UST: variants seen among roughly 807,000 people sequenced by gnomAD.
UST encodes the protein uronyl 2-sulfotransferase, also known as chondroitin sulfate 2-O-sulfotransferase.
UST carries 21 observed loss-of-function variants against 45.6 expected under a neutral mutation model. That is an observed-to-expected ratio of 0.46 (90% CI 0.33 to 0.66). UST has a LOEUF of 0.66. Among genes scored for constraint, UST ranks in the 30% least tolerant of loss-of-function variants. UST has a pLI of 0.02. For synonymous variants in UST, 215 were observed against 200.6 expected (o/e 1.07, Z -0.61); for missense variants, 463 against 512.4 (o/e 0.90, Z 0.93).
chr6:148,947,017 C>A (rs979504626), intron 3 of UST, among the ~76,000 whole-genome samples: 1 of 150,206 alleles, frequency 6.7e-6, no homozygotes, highest in African/African-American at 2.5e-5. Context: ...CATTATTGCC[C>A]CATGTTAGAA....
chr6:148,905,333 T>C (rs1172932667), intron 2 of UST, among the ~76,000 whole-genome samples: 1 of 152,214 alleles, frequency 6.6e-6, no homozygotes, highest in Non-Finnish European at 1.5e-5. Context: ...CCCTGAAGCC[T>C]AAAGCCTAGT....
chr6:149,004,274 G>A (rs1781606353), intron 5 of UST, among the ~76,000 whole-genome samples: 1 of 152,216 alleles, frequency 6.6e-6, no homozygotes, highest in East Asian at 1.9e-4. Context: ...GACTGCAGAA[G>A]GGAGAGGAAG....
intron 5 of UST, among the ~76,000 whole-genome samples, chr6:149,010,633 GC>G (rs1341921983): frequency 6.6e-6 from 1 of 151,964 alleles, no homozygotes; most frequent in Non-Finnish European, 1.5e-5. Context: ...AGTGGCTCAT[GC>G]CTGTAGTCTC....
intron 5 of UST, among the ~76,000 whole-genome samples, chr6:148,989,869 G>A (rs946009445): frequency 7.2e-5 from 11 of 152,192 alleles, no homozygotes; most frequent in African/African-American, 2.7e-4. Context: ...GAGTTTTTTG[G>A]ATAATCAAAT....
chr6:148,826,457 A>G lies in UST; in HGVS notation c.248-60529A>G, dbSNP rs570012095. Among the ~76,000 whole-genome samples, 6 of 151,980 alleles carry G rather than the reference A, an allele frequency of 3.9e-5. No homozygotes were observed. In the East Asian group the frequency reaches 9.7e-4, roughly 25 times the overall value. On this transcript the variant is annotated intron_variant, in intron 1 of 7. Transcript: ENST00000367463. ...GTTTTTTTTTTTAAATGAATTAACT[A>G]CATAGGTTATAGAATATTCACTTGA...
At chr6:148,752,964 G>A (rs778159020) in intron 1 of UST, among the ~76,000 whole-genome samples, 3 of 151,970 alleles carry the variant, frequency 2.0e-5, no homozygotes, top group African/African-American at 4.8e-5. Context: ...ATAGAAACTC[G>A]GCTTTAAGCA....
At chr6:148,783,988 C>G (rs1452237258) in intron 1 of UST, among the ~76,000 whole-genome samples, 1 of 152,170 alleles carries the variant, frequency 6.6e-6, no homozygotes, top group African/African-American at 2.4e-5. Flanking sequence ...CAATCCACTG[C>G]TTTCTCTGCC....
chr6:148,866,229 G>A (rs1045108952), intron 1 of UST, among the ~76,000 whole-genome samples: 3 of 146,252 alleles, frequency 2.1e-5, no homozygotes, highest in Non-Finnish European at 4.5e-5. Flanking sequence ...GAAAACCTAC[G>A]ATGAGCTCCC....
chr6:148,779,290 C>G (rs1367449793), intron 1 of UST, among the ~76,000 whole-genome samples: 1 of 152,176 alleles, frequency 6.6e-6, no homozygotes, highest in Non-Finnish European at 1.5e-5. Context: ...TGAGGAGAAG[C>G]ATTACGTAAC....
At chr6:149,050,553 G>A (rs976022201) in intron 7 of UST, among the ~76,000 whole-genome samples, 2 of 152,160 alleles carry the variant, frequency 1.3e-5, no homozygotes, top group Non-Finnish European at 2.9e-5. Flanking sequence ...GCTTTTTCTA[G>A]TGACTGATGA....
chr6:148,925,023 G>A (rs1028118112), intron 2 of UST, among the ~76,000 whole-genome samples: 4 of 152,162 alleles, frequency 2.6e-5, no homozygotes, highest in African/African-American at 9.7e-5. Context: ...AGAAACTGAT[G>A]CATTGCTTTT....
chr6:148,933,306 A>G (rs1397092915), intron 2 of UST, among the ~76,000 whole-genome samples: 8 of 152,192 alleles, frequency 5.3e-5, no homozygotes, highest in African/African-American at 1.9e-4. Flanking sequence ...ACTCTTTATT[A>G]ATTATCCACT....
intron 2 of UST, among the ~76,000 whole-genome samples, chr6:148,928,277 T>C (rs1005614346): frequency 3.9e-5 from 6 of 152,236 alleles, no homozygotes; most frequent in Non-Finnish European, 7.3e-5. Flanking sequence ...GATTTTCTTA[T>C]TGCTTAGTCA....
Position 148,864,650 on chromosome 6 carries a change from T to G in UST, c.248-22336T>G, listed in dbSNP as rs192509438. 5.3e-5 allele frequency among the ~76,000 whole-genome samples: 8 copies of G among 152,342 alleles called. No individual in the cohort carries two copies. The East Asian group carries it at 1.5e-3, about 29-fold the overall frequency. ...TGGAACTTCCAACACTTTGCATCTT[T>G]CAATCCAATCAAGTTGACGCTCAAT... On this transcript the variant is annotated intron_variant, in intron 1 of 7. Coordinates refer to ENST00000367463, the MANE Select transcript of UST (RefSeq NM_005715.3).
At chr6:148,749,729 A>G (rs1775951983) in intron 1 of UST, among the ~76,000 whole-genome samples, 1 of 152,224 alleles carries the variant, frequency 6.6e-6, no homozygotes, top group South Asian at 2.1e-4. Flanking sequence ...ATGAGGCCTA[A>G]TAAATTTGGG....
intron 5 of UST, chr6:149,005,229 C>T (rs1158832712): frequency 1.1e-6 from 1 of 933,090 alleles, no homozygotes; most frequent in Non-Finnish European, 1.3e-6. Context: ...CCAGCACCTC[C>T]CCAACAGACC....
chr6:148,831,681 G>A (rs1385339418), intron 1 of UST, among the ~76,000 whole-genome samples: 1 of 152,152 alleles, frequency 6.6e-6, no homozygotes, highest in Non-Finnish European at 1.5e-5. Flanking sequence ...TGTGGTCCCA[G>A]CTACTCGGCA....
chr6:149,004,493 AG>A (rs893214477), intron 5 of UST, among the ~76,000 whole-genome samples: 19 of 152,192 alleles, frequency 1.2e-4, no homozygotes, highest in African/African-American at 4.6e-4. Flanking sequence ...GACATGATGA[AG>A]GGCCCATGGT....
intron 7 of UST, among the ~76,000 whole-genome samples, chr6:149,040,499 A>G (rs1054380130): frequency 1.3e-5 from 2 of 152,108 alleles, no homozygotes; most frequent in African/African-American, 4.8e-5. Context: ...TACTAAAAAT[A>G]CAAAAATGAG....
Sources: gnomAD v4.1 joint callset for allele counts (sites outside exome capture counted in the v4.1 genomes callset) on GRCh38, gnomAD v4.1.1 for gene constraint, MANE v1.5 for transcripts, NCBI Gene and HGNC (gene_info 2026-07-23, HGNC 2026-07-21) for gene names.